Variants in PGM3 observed in about 807,000 individuals in gnomAD.
The protein encoded by PGM3 is phosphoglucomutase 3.
PGM3 carries 40 observed loss-of-function variants against 66.2 expected under a neutral mutation model. That is an observed-to-expected ratio of 0.60 (90% confidence interval 0.47 to 0.79). The LOEUF is 0.79. PGM3 is among the 30% of genes least tolerant of loss of function. The pLI is 0.00. For missense variants in PGM3, 537 were observed against 643.4 expected (o/e 0.83, Z 1.79); for synonymous variants, 191 against 224.2 (o/e 0.85, Z 1.32).
the PGM3 span, among the ~76,000 whole-genome samples, chr6:83,150,350 A>G: frequency 1.3e-5 from 2 of 152,126 alleles, no homozygotes; most frequent in African/African-American, 4.8e-5. Context: ...TAATTTCATC[A>G]AAAAATTAAG....
rs1786872955 is a variant in PGM3, at chr6:83,170,478, C to A, written c.1366G>T (p.Val456Phe). The part of the protein sequence containing the change: ...DLPNRQLKVQ[V>F]ADRRVISTTD... ...GTGCTAATAACTCTCCTGTCTGCAA[C>A]CTAAGTGCAAGCATTTCATATTTGT... The change falls in exon 12 of 13, where the codon GTT (valine) becomes TTT (phenylalanine). Residue 456 changes from valine to phenylalanine, a missense_variant and splice_region_variant. Transcript: ENST00000513973. 1 of 1,613,154 alleles carries A rather than the reference C, an allele frequency of 6.2e-7. No individual in the cohort carries two copies.
At chr6:83,192,260 G>C (rs139888570) in intron 1 of PGM3, among the ~76,000 whole-genome samples, 3,124 of 152,284 alleles carry the variant, frequency 0.021, 38 homozygotes, top group African/African-American at 0.036. Flanking sequence ...GTGAGACTCC[G>C]TCTCAAAACA....
chr6:83,163,349 A>C (rs1382157083), downstream of PGM3, among the ~76,000 whole-genome samples: 1 of 152,194 alleles, frequency 6.6e-6, no homozygotes, highest in Non-Finnish European at 1.5e-5. Flanking sequence ...GATTGAAAAA[A>C]ATACAGTACA....
At position 83,166,247 on chromosome 6, in the gene PGM3, G is replaced by T; in HGVS notation, c.*2987C>A. The T allele has an allele frequency of 3.8e-6, 2 of 527,518 alleles. No homozygotes were observed. Among genetic ancestry groups the T allele is most frequent in the South Asian group, 6.7e-5 (2 of 29,732 alleles). 32.7% of individuals were successfully genotyped at this position (527,518 alleles called of 1,614,324 possible). Reference sequence around the variant, plus strand: ...ACGACCATAAAATGGTCAACATTGAGTTCTTGGGCAGCTCTCTTATAGTTG... The same window carrying T: ...ACGACCATAAAATGGTCAACATTGATTTCTTGGGCAGCTCTCTTATAGTTG... On this transcript the variant is annotated 3_prime_UTR_variant, in exon 13 of 13. Coordinates refer to ENST00000513973, the MANE Select transcript of PGM3 (RefSeq NM_015599.3).
rs1788569167 is a variant in PGM3, at chr6:83,186,221, A to G, written c.457+787T>C. Among the ~76,000 whole-genome samples the G allele has an allele frequency of 2.0e-5, 3 of 152,152 alleles. No homozygotes were observed. The South Asian group carries it at 6.2e-4, about 32-fold the overall frequency. On this transcript the variant is annotated intron_variant, in intron 4 of 12. Transcript: ENST00000513973. Reference sequence around the variant, plus strand: ...TTTACAATACCCACCAGATTTGGCAATAACAATGCAGATGGATGTCAGGGG... The same window carrying G: ...TTTACAATACCCACCAGATTTGGCAGTAACAATGCAGATGGATGTCAGGGG...
In PGM3 at chr6:83,167,843, C is replaced by A. The variant is rs753898551; in HGVS notation, c.*1391G>T. 6.3e-7 allele frequency: 1 copy of A among 1,590,756 alleles called. No homozygotes were observed. Among genetic ancestry groups the A allele is most frequent in the South Asian group, 1.1e-5 (1 of 87,954 alleles). ...ATTGTCTGTTGTATTAATACCAGTT[C>A]ACTTTTTGTTTTCTGCAGAAAAATC... On this transcript the variant is annotated 3_prime_UTR_variant, in exon 13 of 13. Coordinates refer to ENST00000513973, the MANE Select transcript of PGM3 (RefSeq NM_015599.3).
At position 83,168,866 on chromosome 6, in the gene PGM3, C is replaced by A; in HGVS notation, c.*368G>T. 1 of 1,044,428 alleles carries A rather than the reference C, an allele frequency of 9.6e-7. No individual in the cohort carries two copies. Among genetic ancestry groups the A allele is most frequent in the Non-Finnish European group, 1.2e-6 (1 of 864,814 alleles). The allele number at this position is 1,044,428 out of a possible 1,614,324, so 64.7% of individuals were successfully genotyped here. ...AGCAATGGGGAATGCTGCAAAACAT[C>A]ATCTTGCTCATGTGATGGTGATGGC... On this transcript the variant is annotated 3_prime_UTR_variant, in exon 13 of 13. Transcript: ENST00000513973.
At position 83,165,822 on chromosome 6, in the gene PGM3, C is replaced by T; in HGVS notation, c.*3412G>A. On this transcript the variant is annotated 3_prime_UTR_variant, in exon 13 of 13. Transcript: ENST00000513973. ...AAAAGAATTGGGCCCTTTCTGGTGG[C>T]CAATGCCGGCTGCAGGCATTGCAGT... is the stretch of plus-strand genomic sequence containing the variant. 1 of 313,976 alleles carries T rather than the reference C, an allele frequency of 3.2e-6. No individual in the cohort carries two copies. The highest frequency in any genetic ancestry group is 3.3e-5 in the Admixed American group (1 of 29,858). 19.4% of individuals were successfully genotyped at this position (313,976 alleles called of 1,614,324 possible).
At chr6:83,169,752 A>G in intron 12 of PGM3, 1 of 458,014 alleles carries the variant, frequency 2.2e-6, no homozygotes, top group Non-Finnish European at 4.4e-6. Context: ...TATTCAGCGC[A>G]CTCACTGTAC....
Position 83,182,903 on chromosome 6 carries a change from G to A in PGM3, c.533C>T (p.Ala178Val). 6.2e-7 allele frequency: 1 copy of A among 1,613,896 alleles called. No homozygotes were observed. The highest frequency in any genetic ancestry group is 1.3e-5 in the African/African-American group (1 of 75,040). Residue 178 changes from alanine (A) to valine (V), a missense_variant, in exon 5 of 13, where the codon GCA (alanine) becomes GTA (valine). Ala to Val is a moderately conservative substitution (Grantham distance 64). Coordinates refer to ENST00000513973, the MANE Select transcript of PGM3 (RefSeq NM_015599.3). ...TTTCTGGTAGTAACCTTCTATAGTT[G>A]CCTTTCCATATCGGCCACCCGTGTT... ...CRNTGGRYGK[A>V]TIEGYYQKLS...
In PGM3 at chr6:83,168,440, C is replaced by G. The variant is rs533761164; in HGVS notation, c.*794G>C. 164 of 1,112,158 alleles carry G rather than the reference C, an allele frequency of 1.5e-4. No individual in the cohort carries two copies. Among genetic ancestry groups the G allele is most frequent in the Non-Finnish European group, 1.8e-4 (161 of 911,626 alleles). 68.9% of individuals were successfully genotyped at this position (1,112,158 alleles called of 1,614,324 possible). A position where few individuals can be genotyped will look rare whatever the true frequency, so the allele number is the denominator to read the frequency against. On this transcript the variant is annotated 3_prime_UTR_variant, in exon 13 of 13. Transcript: ENST00000513973. Reference sequence around the variant, plus strand: ...TTTATTGTCCTGAGTTGTCTTAAACCTGCAAAATATACACTACCCATTTTT... The same window carrying G: ...TTTATTGTCCTGAGTTGTCTTAAACGTGCAAAATATACACTACCCATTTTT...
chr6:83,159,792 A>T (rs760070085), downstream of PGM3: 2 of 1,614,026 alleles, frequency 1.2e-6, no homozygotes, highest in African/African-American at 2.7e-5. Context: ...TCTCCTGCTT[A>T]CAGGACTTCA....
chr6:83,158,838 A>T (rs888956921), downstream of PGM3, among the ~76,000 whole-genome samples: 4 of 152,162 alleles, frequency 2.6e-5, no homozygotes, highest in Admixed American at 6.5e-5. Context: ...CCCTAGACAC[A>T]AATTTAATTT....
rs1786332258 is a variant in PGM3, at chr6:83,168,234, C to T, written c.*1000G>A. 1.3e-6 allele frequency: 2 copies of T among 1,503,242 alleles called. No homozygotes were observed. The highest frequency in any genetic ancestry group is 2.3e-5 in the Admixed American group (1 of 43,938). The allele number at this position is 1,503,242 out of a possible 1,614,324, so 93.1% of individuals were successfully genotyped here. ...TATTTAAAACACACACACTGCTCTG[C>T]GTTGTATAGTTTTTCCTTTTTTGTA... On this transcript the variant is annotated 3_prime_UTR_variant, in exon 13 of 13. Coordinates refer to ENST00000513973, the MANE Select transcript of PGM3 (RefSeq NM_015599.3).
intron 3 of PGM3, chr6:83,188,377 T>C: frequency 2.6e-6 from 1 of 382,384 alleles, no homozygotes; most frequent in Non-Finnish European, 4.7e-6. Flanking sequence ...GTATTTTACA[T>C]ACATTATTCT....
chr6:83,172,597 T>C (rs1052062886), intron 10 of PGM3, among the ~76,000 whole-genome samples: 6 of 151,514 alleles, frequency 4.0e-5, no homozygotes, highest in African/African-American at 9.7e-5. Flanking sequence ...AGGCAGAGGT[T>C]GCAGTGAGCC....
chr6:83,191,504 TC>T (rs1789050603), intron 1 of PGM3, among the ~76,000 whole-genome samples: 1 of 152,228 alleles, frequency 6.6e-6, no homozygotes, highest in African/African-American at 2.4e-5. Flanking sequence ...TCTTTGTGGT[TC>T]TTTTGCTATT....
Position 83,175,991 on chromosome 6 carries a change from C to A in PGM3, c.1099G>T (p.Val367Phe). The A allele has an allele frequency of 1.9e-6, 3 of 1,611,510 alleles. No individual in the cohort carries two copies. Among genetic ancestry groups the A allele is most frequent in the Non-Finnish European group, 2.5e-6 (3 of 1,177,642 alleles). Residue 367 changes from valine (V) to phenylalanine (F), a missense_variant, in exon 9 of 13, where the codon GTT (valine) becomes TTT (phenylalanine). Physicochemically the swap from Val to Phe is conservative, Grantham distance 50. Coordinates refer to ENST00000513973, the MANE Select transcript of PGM3 (RefSeq NM_015599.3). ...HHKAQEFDIG[V>F]YFEANGHGTA... ...CCATGCCCATTTGCTTCAAAATAAA[C>A]TCCAATGTCAAACTCTTGAGCCTTG...
At chr6:83,191,526 T>C (rs1789052676) in intron 1 of PGM3, among the ~76,000 whole-genome samples, 1 of 152,180 alleles carries the variant, frequency 6.6e-6, no homozygotes, top group Non-Finnish European at 1.5e-5. Context: ...TCTCCCAAAC[T>C]ACAGAGACAT....
Sources: allele counts gnomAD v4.1 joint callset (sites outside exome capture counted in the v4.1 genomes callset), GRCh38; gene constraint gnomAD v4.1.1; transcripts MANE v1.5; gene names NCBI Gene and HGNC (gene_info 2026-07-23, HGNC 2026-07-21).